The following JPH3 variants were observed in gnomAD, a reference collection of about 807,000 sequenced individuals.
JPH3 encodes the protein junctophilin 3.
JPH3 carries 11 observed loss-of-function variants against 59.6 expected under a neutral mutation model. That is an observed-to-expected ratio of 0.18 (90% CI 0.12 to 0.31). The LOEUF is 0.31. Ranked by LOEUF, JPH3 falls within the 10% of genes least tolerant of loss-of-function variation. JPH3 has a pLI of 1.00. For missense variants in JPH3, 1,202 were observed against 1,105.7 expected (o/e 1.09, Z -1.24); for synonymous variants, 673 against 483.6 (o/e 1.39, Z -5.14).
At chr16:87,691,140 G>A (rs531294282) in intron 4 of JPH3, among the ~76,000 whole-genome samples, 2 of 151,226 alleles carry the variant, frequency 1.3e-5, no homozygotes, top group Non-Finnish European at 2.9e-5. Flanking sequence ...GAAGAACAGC[G>A]TCCCCCTGGG....
At chr16:87,640,982 T>A (rs980441727) in intron 1 of JPH3, among the ~76,000 whole-genome samples, 1 of 152,150 alleles carries the variant, frequency 6.6e-6, no homozygotes, top group African/African-American at 2.4e-5. Context: ...AGTTCCAGTT[T>A]CCTCCTCACA....
rs998449636 is a variant in JPH3 at position 87,611,786 on chromosome 16, G to A, written c.382+8258G>A. ...GAATTTATATTTCTTACAAATTTCA[G>A]GCGATGCTGAGGCTGCTGATCTGGG... On this transcript the variant is annotated intron_variant, in intron 1 of 4. Transcript: ENST00000284262. This position sits in a 1 kb window ranked among gnomAD's most constrained non-coding sequence, Gnocchi z 4.5. Among the ~76,000 whole-genome samples, 4 of 152,190 alleles carry A rather than the reference G, an allele frequency of 2.6e-5. No individual in the cohort carries two copies. The highest frequency in any genetic ancestry group is 9.6e-5 in the African/African-American group (4 of 41,452).
chr16:87,634,840 C>CT lies in JPH3; in HGVS notation c.383-9417dup, dbSNP rs1444251079. On this transcript the variant is annotated intron_variant, in intron 1 of 4. Transcript: ENST00000284262. ...AGCATGGGACTGGCTGAGAGACGCT[C>CT]TGTGTGGGCTTCGGATCAGCTCAGC... Among the ~76,000 whole-genome samples, 9 of 152,370 alleles carry CT rather than the reference C, an allele frequency of 5.9e-5. No homozygotes were observed. In the East Asian group the frequency reaches 1.7e-3, roughly 29 times the overall value.
At chr16:87,695,726 C>A (rs755498200) in intron 4 of JPH3, 1 of 419,410 alleles carries the variant, frequency 2.4e-6, no homozygotes, top group South Asian at 1.6e-5. Context: ...CACGCTCCCT[C>A]TCCCCCTGCC....
intron 1 of JPH3, among the ~76,000 whole-genome samples, chr16:87,621,237 G>A (rs1054493928): frequency 2.0e-5 from 3 of 152,362 alleles, no homozygotes; most frequent in South Asian, 4.1e-4. Flanking sequence ...AGCTGGACCC[G>A]ACTTGGCCCA....
chr16:87,626,471 T>C (rs1225785598), intron 1 of JPH3, among the ~76,000 whole-genome samples: 2 of 152,206 alleles, frequency 1.3e-5, no homozygotes, highest in East Asian at 3.8e-4. Flanking sequence ...CCTGTGAGGT[T>C]TCACCTGGGG....
chr16:87,615,445 A>G (rs1379457284), intron 1 of JPH3, among the ~76,000 whole-genome samples: 1 of 152,122 alleles, frequency 6.6e-6, no homozygotes, highest in Non-Finnish European at 1.5e-5. Context: ...CATGGACTTG[A>G]GTGACAGCTG....
intron 1 of JPH3, among the ~76,000 whole-genome samples, chr16:87,621,648 C>T (rs1216816713): frequency 2.6e-5 from 4 of 152,244 alleles, no homozygotes; most frequent in African/African-American, 7.2e-5. Flanking sequence ...GCCAAGCCCC[C>T]GGAAGGCTCC....
chr16:87,697,334 T>A lies in JPH3; in HGVS notation c.*674T>A, dbSNP rs1308572287. On this transcript the variant is annotated 3_prime_UTR_variant, in exon 5 of 5. Transcript: ENST00000284262. ...GAGAAGCCGACTCCCCACACCGAGTTTTAAAGCAAAGCCCTTTTCTTCTGC... is the reference window on the plus strand; with the variant it reads ...GAGAAGCCGACTCCCCACACCGAGTATTAAAGCAAAGCCCTTTTCTTCTGC... The A allele has an allele frequency of 6.6e-6, 1 of 152,440 alleles. No individual in the cohort carries two copies. Among genetic ancestry groups the A allele is most frequent in the Non-Finnish European group, 1.5e-5 (1 of 68,244 alleles). The allele number at this position is 152,440 out of a possible 1,614,324, so 9.4% of individuals were successfully genotyped here.
chr16:87,641,262 C>T (rs2031941377), intron 1 of JPH3, among the ~76,000 whole-genome samples: 1 of 152,168 alleles, frequency 6.6e-6, no homozygotes, highest in Admixed American at 6.5e-5. Flanking sequence ...GGAGAAGGTG[C>T]CACAGCCTAG....
intron 2 of JPH3, among the ~76,000 whole-genome samples, chr16:87,666,571 T>G (rs1447736481): frequency 1.3e-5 from 2 of 152,046 alleles, no homozygotes; most frequent in Non-Finnish European, 2.9e-5. Flanking sequence ...TTCTTTAAAA[T>G]TTTTTTGTAG....
In JPH3 at chr16:87,602,785, G is replaced by A. The variant is rs1391502246; in HGVS notation, c.-362G>A. On this transcript the variant is annotated 5_prime_UTR_variant, in exon 1 of 5. Coordinates refer to ENST00000284262, the MANE Select transcript of JPH3 (RefSeq NM_020655.4). Reference sequence around the variant, plus strand: ...GGCCTCGGCGCGGCGCCCTCCCCGCGGGGCTGCCGGCGAGGGGCCCTCTCG... The same window carrying A: ...GGCCTCGGCGCGGCGCCCTCCCCGCAGGGCTGCCGGCGAGGGGCCCTCTCG... 2.1e-5 allele frequency: 2 copies of A among 94,348 alleles called. No homozygotes were observed. The highest frequency in any genetic ancestry group is 4.2e-5 in the Non-Finnish European group (2 of 47,946). The allele number at this position is 94,348 out of a possible 1,614,324, so 5.8% of individuals were successfully genotyped here.
At chr16:87,657,777 G>A (rs1025745944) in intron 2 of JPH3, among the ~76,000 whole-genome samples, 3 of 152,068 alleles carry the variant, frequency 2.0e-5, no homozygotes, top group Non-Finnish European at 2.9e-5. Context: ...GAGTTGCCCC[G>A]AGGACTGTGC....
chr16:87,614,726 CGAG>C (rs1597235905), intron 1 of JPH3, among the ~76,000 whole-genome samples: 1 of 114,882 alleles, frequency 8.7e-6, no homozygotes, highest in African/African-American at 3.6e-5. Flanking sequence ...CCTGCACACA[CGAG>C]GAGCCGCGCG....
At chr16:87,654,820 G>A (rs1363444276) in intron 2 of JPH3, 2 of 152,238 alleles carry the variant, frequency 1.3e-5, no homozygotes, top group African/African-American at 2.4e-5. Context: ...TGCTCCCGTG[G>A]GCTCTGACCA....
At chr16:87,677,086 G>A (rs1196424415) in intron 2 of JPH3, among the ~76,000 whole-genome samples, 1 of 151,440 alleles carries the variant, frequency 6.6e-6, no homozygotes, top group African/African-American at 2.4e-5. Flanking sequence ...GTGAACCCGG[G>A]AGGTGGAGCT....
At chr16:87,615,199 C>T (rs1377128068) in intron 1 of JPH3, among the ~76,000 whole-genome samples, 1 of 152,234 alleles carries the variant, frequency 6.6e-6, no homozygotes, top group Non-Finnish European at 1.5e-5. Context: ...TGTCCATCCT[C>T]CCCGGGGCCT....
At chr16:87,666,223 G>C (rs1033468985) in intron 2 of JPH3, among the ~76,000 whole-genome samples, 1 of 151,528 alleles carries the variant, frequency 6.6e-6, no homozygotes, top group African/African-American at 2.4e-5. Flanking sequence ...CAAGTATCTG[G>C]GATTACAGGC....
At chr16:87,677,210 ACACACACACAC>A (rs2033168522) in intron 2 of JPH3, among the ~76,000 whole-genome samples, 1 of 117,530 alleles carries the variant, frequency 8.5e-6, no homozygotes, top group Non-Finnish European at 1.7e-5. Flanking sequence ...ACACACACAC[ACACACACACAC>A]ACACAAAAAA....
Sources: allele counts gnomAD v4.1 joint callset (sites outside exome capture counted in the v4.1 genomes callset), GRCh38; gene constraint gnomAD v4.1.1; non-coding constraint Gnocchi (gnomAD v3.1); transcripts MANE v1.5; gene names NCBI Gene and HGNC (gene_info 2026-07-23, HGNC 2026-07-21).